The following BAHCC1 variants were observed in gnomAD, a reference collection of about 807,000 sequenced individuals.
BAHCC1 encodes the protein BAH and coiled-coil domain-containing protein 1.
Under a neutral mutation model 88.2 loss-of-function variants are expected in BAHCC1, and 43 were observed. The observed-to-expected ratio is 0.49, with a 90% CI of 0.38 to 0.63. The LOEUF (loss-of-function observed/expected upper bound fraction) is 0.63, where lower values mean the gene tolerates loss of function less well. Ranked by LOEUF, BAHCC1 falls within the 20% of genes least tolerant of loss-of-function variation. The probability of loss-of-function intolerance (pLI) is 0.00; values close to 1 mark genes in which losing one functional copy is unlikely to be tolerated. For synonymous variants in BAHCC1, 1,510 were observed against 745.5 expected (o/e 2.03, Z -16.71); for missense variants, 3,023 against 1,654.8 (o/e 1.83, Z -14.34).
At chr17:81,407,108 G>GGA (rs782367137) in intron 2 of BAHCC1, among the ~76,000 whole-genome samples, 8 of 152,214 alleles carry the variant, frequency 5.3e-5, no homozygotes, top group Non-Finnish European at 1.2e-4. Flanking sequence ...GGGGTCTGTG[G>GGA]GAGACCCACT....
At position 81,452,114 on chromosome 17, in the gene BAHCC1, C is replaced by A; in HGVS notation, c.4316+7C>A. The A allele has an allele frequency of 1.6e-6, 1 of 621,928 alleles. No individual in the cohort carries two copies. The allele number at this position is 621,928 out of a possible 1,614,324, so 38.5% of individuals were successfully genotyped here. Reference sequence around the variant, plus strand: ...AGCGCAAGCACGACCATGAGTACGCCTGGCGTGGCGGGGGGGCCTGGGAGG... The same window carrying A: ...AGCGCAAGCACGACCATGAGTACGCATGGCGTGGCGGGGGGGCCTGGGAGG... On this transcript the variant is annotated splice_region_variant and intron_variant, in intron 13 of 27. Coordinates refer to ENST00000675386, the MANE Select transcript of BAHCC1 (RefSeq NM_001377448.1).
chr17:81,464,209 A>G lies in BAHCC1; in HGVS notation c.*392A>G, dbSNP rs782683340. ...TGTTGTCTATTTATTTCTCTATGTA[A>G]ATATTGTATTTCTGCGGGGAAATTT... is the stretch of plus-strand genomic sequence containing the variant. On this transcript the variant is annotated 3_prime_UTR_variant, in exon 28 of 28. Transcript: ENST00000675386. The G allele has an allele frequency of 3.6e-6, 1 of 277,098 alleles. No individual in the cohort carries two copies. The highest frequency in any genetic ancestry group is 7.0e-6 in the Non-Finnish European group (1 of 143,666). 17.2% of individuals were successfully genotyped at this position (277,098 alleles called of 1,614,324 possible).
intron 2 of BAHCC1, among the ~76,000 whole-genome samples, chr17:81,423,151 C>T (rs2064135071): frequency 6.6e-6 from 1 of 152,126 alleles, no homozygotes; most frequent in Non-Finnish European, 1.5e-5. Flanking sequence ...CACCCGCCCA[C>T]CCGCCGCAGA....
chr17:81,401,112 A>G (rs1404864091), intron 2 of BAHCC1: 1 of 152,294 alleles, frequency 6.6e-6, no homozygotes, highest in African/African-American at 2.4e-5. Context: ...TAGTGTGTGG[A>G]TTAAAACGGA....
In BAHCC1 at chr17:81,462,863, A is replaced by G. The variant is rs1357602401; in HGVS notation, c.7507A>G (p.Ile2503Val). The G allele has an allele frequency of 1.8e-5, 14 of 783,320 alleles. No homozygotes were observed. Among genetic ancestry groups the G allele is most frequent in the African/African-American group, 1.4e-4 (8 of 59,184 alleles). The allele number at this position is 783,320 out of a possible 1,614,324, so 48.5% of individuals were successfully genotyped here. The stretch of plus-strand genomic sequence containing the variant: ...AGCTGGGCGGCCCAACCTCCCCTAC[A>G]TCGGCCGCATCGAGAGCATGTGGGA... ...LSAGRPNLPY[I>V]GRIESMWESW... Residue 2503 changes from isoleucine to valine, a missense_variant, in exon 27 of 28, where the codon ATC becomes GTC. Ile to Val is a conservative substitution (Grantham distance 29, BLOSUM62 3). Transcript: ENST00000675386.
chr17:81,464,224 C>T lies in BAHCC1; in HGVS notation c.*407C>T, dbSNP rs1201098993. Reference sequence around the variant, plus strand: ...TCTCTATGTAAATATTGTATTTCTGCGGGGAAATTTTATGGTAAAAAGTGG... The same window carrying T: ...TCTCTATGTAAATATTGTATTTCTGTGGGGAAATTTTATGGTAAAAAGTGG... On this transcript the variant is annotated 3_prime_UTR_variant, in exon 28 of 28. Transcript: ENST00000675386. 11 of 257,822 alleles carry T rather than the reference C, an allele frequency of 4.3e-5. No homozygotes were observed. Among genetic ancestry groups the T allele is most frequent in the African/African-American group, 1.8e-4 (8 of 45,594 alleles). The allele number at this position is 257,822 out of a possible 1,614,324, so 16.0% of individuals were successfully genotyped here. A position where few individuals can be genotyped will look rare whatever the true frequency, so the allele number is the denominator to read the frequency against.
chr17:81,436,365 C>G (rs937849686), intron 3 of BAHCC1, among the ~76,000 whole-genome samples: 1 of 152,232 alleles, frequency 6.6e-6, no homozygotes, highest in African/African-American at 2.4e-5. Flanking sequence ...TGCCAGCTGA[C>G]TGCCTGCTCC....
At chr17:81,429,926 G>C (rs2064241263) in intron 3 of BAHCC1, among the ~76,000 whole-genome samples, 1 of 152,222 alleles carries the variant, frequency 6.6e-6, no homozygotes, top group Admixed American at 6.5e-5. Context: ...CCCCGGGGGA[G>C]CAGCTGGGGG....
intron 11 of BAHCC1, chr17:81,451,327 C>T (rs1283790176): frequency 5.9e-5 from 16 of 269,922 alleles, no homozygotes; most frequent in Admixed American, 3.1e-4. Flanking sequence ...AGGGCCCCCC[C>T]GGTGGGGGGA....
In BAHCC1 at chr17:81,399,221, G is replaced by T; in HGVS notation, c.-206-313G>T. 2.4e-6 allele frequency: 1 copy of T among 424,566 alleles called. No individual in the cohort carries two copies. The highest frequency in any genetic ancestry group is 4.7e-6 in the Non-Finnish European group (1 of 212,010). The allele number at this position is 424,566 out of a possible 1,614,324, so 26.3% of individuals were successfully genotyped here. On this transcript the variant is annotated intron_variant, in intron 1 of 27. Coordinates refer to ENST00000675386, the MANE Select transcript of BAHCC1 (RefSeq NM_001377448.1). The surrounding 1 kb of genome is among the most constrained non-coding windows in gnomAD (Gnocchi z 4.5). Reference sequence around the variant, plus strand: ...CAGCAGAGCCAGCAGCCTCTTCGCCGCGGCGCCCTAGCTGCAGGGACCCGC... The same window carrying T: ...CAGCAGAGCCAGCAGCCTCTTCGCCTCGGCGCCCTAGCTGCAGGGACCCGC...
At chr17:81,455,172 G>T (rs2064723946) in intron 14 of BAHCC1, 95 bp from the exon 15 acceptor site, 1 of 653,736 alleles carries the variant, frequency 1.5e-6, no homozygotes, top group South Asian at 1.6e-5. Flanking sequence ...GGAGGAGGGT[G>T]ACCCACAGTG....
At chr17:81,395,784 C>T (rs1187033639) in intron 1 of BAHCC1, 149 bp downstream of exon 1, 1 of 146,558 alleles carries the variant, frequency 6.8e-6, no homozygotes, top group Non-Finnish European at 1.5e-5. Flanking sequence ...TCCCTTTTAA[C>T]AAAATCCGTT....
In BAHCC1 at chr17:81,460,178, C is replaced by T. The variant is rs2030122864; in HGVS notation, c.5906-99C>T. On this transcript the variant is annotated intron_variant, in intron 23 of 27. Transcript: ENST00000675386. ...GTGGTCAGGGAGCAGAACCCCAGAG[C>T]CCTCCCCTCACCCTCCCCACCGGCT... 4.5e-6 allele frequency: 3 copies of T among 671,568 alleles called. No homozygotes were observed. The Admixed American group carries it at 6.5e-5, about 14-fold the overall frequency. 41.6% of individuals were successfully genotyped at this position (671,568 alleles called of 1,614,324 possible).
chr17:81,445,245 C>T lies in BAHCC1; in HGVS notation c.2835+67C>T, dbSNP rs1372648815. 6 of 722,150 alleles carry T rather than the reference C, an allele frequency of 8.3e-6. No individual in the cohort carries two copies. In the African/African-American group the frequency reaches 1.0e-4, roughly 13 times the overall value. The allele number at this position is 722,150 out of a possible 1,614,324, so 44.7% of individuals were successfully genotyped here. A position where few individuals can be genotyped will look rare whatever the true frequency, so the allele number is the denominator to read the frequency against. ...CCCAACCCTGCCTGGCCGGACCTGG[C>T]TCCAGGAGACCCCTGCATGCCTGGC... is the stretch of plus-strand genomic sequence containing the variant. On this transcript the variant is annotated intron_variant, in intron 9 of 27. Coordinates refer to ENST00000675386, the MANE Select transcript of BAHCC1 (RefSeq NM_001377448.1).
At chr17:81,409,025 C>T (rs782296555) in intron 2 of BAHCC1, among the ~76,000 whole-genome samples, 44 of 152,298 alleles carry the variant, frequency 2.9e-4, no homozygotes, top group South Asian at 6.2e-4. Flanking sequence ...ACCCCCACAC[C>T]GGAAAAGATG....
intron 4 of BAHCC1, among the ~76,000 whole-genome samples, 183 bp from the exon 5 acceptor site, chr17:81,441,648 G>A (rs1488789154): frequency 6.8e-6 from 1 of 147,800 alleles, no homozygotes; most frequent in African/African-American, 2.5e-5. Flanking sequence ...GGCGACAGAG[G>A]GCAGAGCGAG....
Position 81,444,395 on chromosome 17 carries a change from G to A in BAHCC1, c.2339G>A (p.Arg780His), listed in dbSNP as rs367878255. ...RELLLQDSKD[R>H]VEFARIHPPS... ...AGGTCTTACAGGGACAGCAAAGACC[G>A]CGTAGAGTTCGCCCGGATCCACCCA... Residue 780 changes from arginine (R) to histidine (H), a missense_variant, in exon 7 of 28, where the codon CGC becomes CAC. Arg to His is a conservative substitution (Grantham distance 29). Transcript: ENST00000675386. 2.6e-4 allele frequency: 194 copies of A among 743,764 alleles called. No homozygotes were observed. Among genetic ancestry groups the A allele is most frequent in the South Asian group, 1.6e-3 (112 of 69,202 alleles). 46.1% of individuals were successfully genotyped at this position (743,764 alleles called of 1,614,324 possible).
intron 15 of BAHCC1, 135 bp downstream of exon 15, chr17:81,455,525 C>T (rs573058865): frequency 3.6e-5 from 22 of 610,524 alleles, no homozygotes; most frequent in African/African-American, 3.3e-4. Context: ...TGGGGAGCTC[C>T]GAGCGCCGAC....
intron 2 of BAHCC1, among the ~76,000 whole-genome samples, chr17:81,408,068 C>T (rs1160755553): frequency 6.6e-6 from 1 of 152,230 alleles, no homozygotes; most frequent in Non-Finnish European, 1.5e-5. Context: ...CTCCCTTCAG[C>T]GCCTTCCCCG....
Sources: allele counts gnomAD v4.1 joint callset (sites outside exome capture counted in the v4.1 genomes callset), GRCh38; gene constraint gnomAD v4.1.1; non-coding constraint Gnocchi (gnomAD v3.1); transcripts MANE v1.5; gene names NCBI Gene and HGNC (gene_info 2026-07-23, HGNC 2026-07-21).